The following BLVRB variants were observed in gnomAD, a reference collection of about 807,000 sequenced individuals.
BLVRB encodes biliverdin reductase B, also known as flavin reductase (NADPH).
A neutral mutation model predicts 21.1 loss-of-function variants in BLVRB; 25 were observed. That is an observed-to-expected ratio of 1.19 (90% CI 0.86 to 1.66). BLVRB has a LOEUF of 1.66. Among genes scored for constraint, BLVRB ranks in the 40% most tolerant of loss-of-function variants. The pLI is 0.00. For synonymous variants in BLVRB, 128 were observed against 122.2 expected (o/e 1.05, Z -0.31); for missense variants, 274 against 282.7 (o/e 0.97, Z 0.22).
At chr19:40,462,815 T>C (rs1454300733) in intron 1 of BLVRB, among the ~76,000 whole-genome samples, 1 of 141,420 alleles carries the variant, frequency 7.1e-6, no homozygotes, top group Non-Finnish European at 1.5e-5. Flanking sequence ...ATGGCTGAAC[T>C]CGGGAGGCGG....
intron 4 of BLVRB, among the ~76,000 whole-genome samples, chr19:40,449,989 AGAGATC>A (rs2079731691): frequency 1.4e-5 from 2 of 142,582 alleles, no homozygotes; most frequent in South Asian, 2.2e-4. Context: ...CACGAGGTCA[AGAGATC>A]GAGACCATCT....
intron 1 of BLVRB, among the ~76,000 whole-genome samples, chr19:40,463,000 AAACT>A (rs2079795178): frequency 6.6e-6 from 1 of 152,140 alleles, no homozygotes; most frequent in Admixed American, 6.6e-5. Flanking sequence ...GAGTTTCACA[AAACT>A]AATACTTAAC....
At chr19:40,459,616 G>C (rs2079778143) in intron 1 of BLVRB, among the ~76,000 whole-genome samples, 1 of 152,014 alleles carries the variant, frequency 6.6e-6, no homozygotes, top group East Asian at 1.9e-4. Flanking sequence ...TGTTGCCCAG[G>C]CTGGAGCACA....
intron 3 of BLVRB, among the ~76,000 whole-genome samples, chr19:40,455,079 G>A (rs268695): frequency 6.7e-6 from 1 of 150,332 alleles, no homozygotes; most frequent in African/African-American, 2.4e-5. Flanking sequence ...ACTCCTGGAC[G>A]CAAGCAATCC....
chr19:40,449,370 C>T lies in BLVRB; in HGVS notation c.464-1324G>A, dbSNP rs146612082. On this transcript the variant is annotated intron_variant, in intron 4 of 4. Coordinates refer to ENST00000263368, the MANE Select transcript of BLVRB (RefSeq NM_000713.3). ...AAGCAATTCTTGTGCCTCAGCCTCC[C>T]GAGTATCTGGGATTACAGGTGTCCG... Among the ~76,000 whole-genome samples the T allele has an allele frequency of 1.7e-3, 260 of 152,134 alleles. 2 individuals are homozygous for T. The highest frequency in any genetic ancestry group is 5.2e-3 in the African/African-American group (214 of 41,502).
chr19:40,451,525 C>T (rs747651677), intron 3 of BLVRB, 33 bp from the exon 4 acceptor site: 3 of 1,484,048 alleles, frequency 2.0e-6, no homozygotes, highest in Admixed American at 2.5e-5. Context: ...TCAGCCTGGG[C>T]TCTCTTGTCT....
chr19:40,455,802 C>G, intron 3 of BLVRB, among the ~76,000 whole-genome samples: 1 of 152,056 alleles, frequency 6.6e-6, no homozygotes, highest in Non-Finnish European at 1.5e-5. Context: ...AAAACACAAT[C>G]ACAATTTTAA....
In BLVRB at chr19:40,460,269, T is replaced by TATATATATATATATATATATATATATAC. The variant is rs1281133813; in HGVS notation, c.80-1725_80-1724insGTATATATATATATATATATATATATAT. Among the ~76,000 whole-genome samples the TATATATATATATATATATATATATATAC allele has an allele frequency of 1.5e-4, 21 of 140,712 alleles. 1 individual carries two copies. Among genetic ancestry groups the TATATATATATATATATATATATATATAC allele is most frequent in the African/African-American group, 5.9e-4 (21 of 35,782 alleles). The allele number at this position is 140,712 out of a possible 152,430, so 92.3% of individuals were successfully genotyped here. On this transcript the variant is annotated intron_variant, in intron 1 of 4. Coordinates refer to ENST00000263368, the MANE Select transcript of BLVRB (RefSeq NM_000713.3). ...CAACATATATATATATATATATATA[T>TATATATATATATATATATATATATATAC]ATATATTTAGAGACAGGGTCTTGCT...
intron 3 of BLVRB, 142 bp downstream of exon 3, chr19:40,458,013 C>G: frequency 2.5e-6 from 2 of 813,620 alleles, no homozygotes; most frequent in South Asian, 3.3e-5. Context: ...CCCAGCATCA[C>G]CCAGTAAGGT....
chr19:40,465,217 T>C (rs1429526331), intron 1 of BLVRB, among the ~76,000 whole-genome samples: 1 of 152,194 alleles, frequency 6.6e-6, no homozygotes, highest in African/African-American at 2.4e-5. Context: ...AGGGTGATAC[T>C]AGTTCCCACC....
intron 3 of BLVRB, chr19:40,457,820 G>A (rs769658857): frequency 4.0e-5 from 13 of 328,490 alleles, no homozygotes; most frequent in East Asian, 9.7e-5. Flanking sequence ...AGCCTAAGTC[G>A]GACGCCTCCT....
At chr19:40,451,573 A>G in intron 3 of BLVRB, 81 bp from the exon 4 acceptor site, 11 of 1,423,880 alleles carry the variant, frequency 7.7e-6, no homozygotes, top group South Asian at 1.5e-5. Context: ...TCGCTTTGTC[A>G]CCCAGGCTGA....
At chr19:40,460,990 A>C (rs1372843234) in intron 1 of BLVRB, among the ~76,000 whole-genome samples, 1 of 146,680 alleles carries the variant, frequency 6.8e-6, no homozygotes, top group Non-Finnish European at 1.5e-5. Flanking sequence ...ACAAAACAAA[A>C]CAAAACAAAC....
chr19:40,448,408 C>A (rs974081156), intron 4 of BLVRB, among the ~76,000 whole-genome samples: 1 of 151,446 alleles, frequency 6.6e-6, no homozygotes, highest in African/African-American at 2.4e-5. Context: ...CTGGGCAACA[C>A]AGGGAGACCC....
At chr19:40,458,693 TTTTG>T in intron 1 of BLVRB, 148 bp from the exon 2 acceptor site, 3 of 1,081,142 alleles carry the variant, frequency 2.8e-6, no homozygotes, top group South Asian at 1.7e-5. Flanking sequence ...GGTTTTTTCT[TTTTG>T]TTTGTTTTGT....
At chr19:40,463,675 A>G (rs1017000317) in intron 1 of BLVRB, among the ~76,000 whole-genome samples, 5 of 148,700 alleles carry the variant, frequency 3.4e-5, no homozygotes, top group African/African-American at 7.5e-5. Flanking sequence ...CAGTGATGCA[A>G]TCTTAGCTCA....
chr19:40,448,569 C>A (rs1467589826), intron 4 of BLVRB, among the ~76,000 whole-genome samples: 1 of 145,778 alleles, frequency 6.9e-6, no homozygotes, highest in African/African-American at 2.5e-5. Flanking sequence ...CCAGCCGGGA[C>A]GACAGAGCAA....
At chr19:40,454,619 C>G (rs920427813) in intron 3 of BLVRB, among the ~76,000 whole-genome samples, 1 of 151,914 alleles carries the variant, frequency 6.6e-6, no homozygotes, top group Admixed American at 6.6e-5. Context: ...GATCTCAGCT[C>G]ACTGCAAGCT....
intron 4 of BLVRB, chr19:40,450,383 G>A (rs185723826): frequency 0.014 from 2,120 of 148,460 alleles, 116 homozygotes; most frequent in Admixed American, 0.11. Flanking sequence ...GCGGGCGCCT[G>A]TAGTCCCAGC....
Sources: allele counts gnomAD v4.1 joint callset (sites outside exome capture counted in the v4.1 genomes callset), GRCh38; gene constraint gnomAD v4.1.1; transcripts MANE v1.5; gene names NCBI Gene and HGNC (gene_info 2026-07-23, HGNC 2026-07-21).